MACF1: variants seen among roughly 807,000 people sequenced by gnomAD.
MACF1 encodes microtubule actin crosslinking factor 1.
MACF1 carries 193 observed loss-of-function variants against 854.8 expected under a neutral mutation model. The observed-to-expected ratio is 0.23, with a 90% CI of 0.20 to 0.25. The LOEUF (loss-of-function observed/expected upper bound fraction) is 0.25, where lower values mean the gene tolerates loss of function less well. MACF1 is among the 10% of genes least tolerant of loss of function. The pLI, the probability that MACF1 is intolerant of heterozygous loss-of-function variation, is 1.00. For missense variants in MACF1, 7,722 were observed against 8,929.1 expected (o/e 0.86, Z 5.45); for synonymous variants, 3,185 against 3,226.7 (o/e 0.99, Z 0.44).
intron 2 of MACF1, among the ~76,000 whole-genome samples, chr1:39,172,869 A>G (rs917689347): frequency 6.6e-6 from 1 of 152,226 alleles, no homozygotes. Flanking sequence ...GCCCAGATAT[A>G]CTTGGGTTAG....
In MACF1 at chr1:39,336,142, A is replaced by C; in HGVS notation, c.9554A>C (p.Lys3185Thr). The C allele has an allele frequency of 6.2e-7, 1 of 1,614,204 alleles. No individual in the cohort carries two copies. Among genetic ancestry groups the C allele is most frequent in the Non-Finnish European group, 8.5e-7 (1 of 1,180,042 alleles). ...EVSFDPARGLKLEEITVSRPD... is the reference protein window; with the variant it reads ...EVSFDPARGLTLEEITVSRPD... ...TCTTTTGACCCAGCAAGAGGTCTTA[A>C]ATTGGAAGAAATCACAGTTTCTAGA... The change falls in exon 37 of 101, where the codon AAA becomes ACA. Residue 3185 changes from lysine (K) to threonine (T), a missense_variant. Physicochemically the swap from Lys to Thr is moderately conservative, Grantham distance 78 (BLOSUM62 -1). This residue lies in a region of MACF1 where 854 missense variants were observed against 852.6 expected (regional missense o/e 1.00). Coordinates refer to ENST00000564288, the MANE Select transcript of MACF1 (RefSeq NM_001394062.1).
intron 97 of MACF1, among the ~76,000 whole-genome samples, chr1:39,479,076 A>G (rs564823832): frequency 3.9e-5 from 6 of 152,176 alleles, no homozygotes; most frequent in Non-Finnish European, 8.8e-5. Context: ...AGAAAGCCAT[A>G]AGACAGCGCT....
At chr1:39,268,551 G>A in intron 6 of MACF1, 3 of 1,169,518 alleles carry the variant, frequency 2.6e-6, no homozygotes, top group African/African-American at 1.6e-5. Flanking sequence ...AGAGAGGCGG[G>A]GAGGGAGGGA....
Position 39,455,077 on chromosome 1 carries a change from G to C in MACF1, c.21055G>C (p.Ala7019Pro), listed in dbSNP as rs1644409193. The C allele has an allele frequency of 1.2e-6, 2 of 1,614,048 alleles. No homozygotes were observed. The highest frequency in any genetic ancestry group is 4.5e-5 in the East Asian group (2 of 44,878). The change falls in exon 89 of 101, where the codon GCC becomes CCC. Residue 7019 changes from alanine to proline, a missense_variant. Physicochemically the swap from Ala to Pro is conservative, Grantham distance 27. Coordinates refer to ENST00000564288, the MANE Select transcript of MACF1 (RefSeq NM_001394062.1). ...CCCGCAGAACATTGACCGAGTTAAA[G>C]CCCTTATCGCTGAGCATCAGGTATC... ...PIPQNIDRVK[A>P]LIAEHQTFME...
chr1:39,445,785 C>G (rs1644217456), intron 80 of MACF1, among the ~76,000 whole-genome samples: 1 of 152,018 alleles, frequency 6.6e-6, no homozygotes, highest in Non-Finnish European at 1.5e-5. Context: ...ATAGCAAGAC[C>G]CCATCTCTAC....
At chr1:39,266,710 G>T (rs1168023054) in intron 6 of MACF1, among the ~76,000 whole-genome samples, 2 of 149,892 alleles carry the variant, frequency 1.3e-5, no homozygotes, top group Non-Finnish European at 2.9e-5. Context: ...CTGCTGTGTG[G>T]CCTGGATCCT....
At chr1:39,112,858 G>A (rs112141729) in intron 2 of MACF1, among the ~76,000 whole-genome samples, 1 of 151,860 alleles carries the variant, frequency 6.6e-6, no homozygotes, top group African/African-American at 2.4e-5. Flanking sequence ...CTAGAGCTGG[G>A]CATAGTCCCA....
intron 2 of MACF1, among the ~76,000 whole-genome samples, chr1:39,161,145 T>C (rs1221162920): frequency 1.3e-5 from 2 of 152,306 alleles, no homozygotes; most frequent in African/African-American, 2.4e-5. Context: ...CTTTAACTTA[T>C]ATTTCTCAAG....
At chr1:39,337,895 G>A (rs3121889) in intron 38 of MACF1, among the ~76,000 whole-genome samples, 90,192 of 151,342 alleles carry the variant, frequency 0.6, 28,945 homozygotes, top group South Asian at 0.78. Flanking sequence ...TCAGCCTCCC[G>A]AGTAGCTGGG....
intron 44 of MACF1, among the ~76,000 whole-genome samples, chr1:39,356,433 C>T (rs1647576698): frequency 6.6e-6 from 1 of 150,624 alleles, no homozygotes; most frequent in African/African-American, 2.5e-5. Context: ...AGTGCAGTGG[C>T]AGGGTCTTGG....
chr1:39,144,208 G>A (rs1557480323), intron 2 of MACF1, among the ~76,000 whole-genome samples: 1 of 150,962 alleles, frequency 6.6e-6, no homozygotes, highest in Non-Finnish European at 1.5e-5. Flanking sequence ...AGCCTCCCAA[G>A]TAGTTGGGAT....
chr1:39,411,585 G>A (rs2148614487), intron 58 of MACF1: 6 of 1,613,882 alleles, frequency 3.7e-6, no homozygotes, highest in Non-Finnish European at 5.1e-6. Flanking sequence ...AGGGGTTAGA[G>A]GGACTTGTTT....
intron 2 of MACF1, among the ~76,000 whole-genome samples, chr1:39,102,038 A>T (rs1007174107): frequency 8.6e-4 from 118 of 137,206 alleles, no homozygotes; most frequent in Middle Eastern, 9.7e-3. Context: ...TAGCCGGGCG[A>T]GGTGGCGGGC....
intron 58 of MACF1, among the ~76,000 whole-genome samples, chr1:39,397,489 G>A (rs988051378): frequency 6.6e-6 from 1 of 151,932 alleles, no homozygotes; most frequent in African/African-American, 2.4e-5. Context: ...TTGAACCCGG[G>A]AGGCAGAGGT....
rs757653169 is a variant in MACF1 at position 39,333,937 on chromosome 1, A to C, written c.7349A>C (p.Asp2450Ala). ...INLEKASKGR[D>A]AEKTVRERLI... ...CTGGAGAAAGCTTCCAAAGGTAGAGATGCTGAAAAAACAGTTAGGGAGAGA... is the reference window on the plus strand; with the variant it reads ...CTGGAGAAAGCTTCCAAAGGTAGAGCTGCTGAAAAAACAGTTAGGGAGAGA... Residue 2450 changes from aspartate (D) to alanine (A), a missense_variant, in exon 37 of 101, where the codon GAT becomes GCT. Asp to Ala is a moderately radical substitution (Grantham distance 126). Coordinates refer to ENST00000564288, the MANE Select transcript of MACF1 (RefSeq NM_001394062.1). 6 of 1,614,184 alleles carry C rather than the reference A, an allele frequency of 3.7e-6. No individual in the cohort carries two copies. The highest frequency in any genetic ancestry group is 5.1e-6 in the Non-Finnish European group (6 of 1,180,028).
intron 6 of MACF1, among the ~76,000 whole-genome samples, chr1:39,277,704 G>T (rs2148372321): frequency 6.6e-6 from 1 of 152,162 alleles, no homozygotes; most frequent in African/African-American, 2.4e-5. Context: ...CAATCCTCTG[G>T]CATTGCTAGT....
chr1:39,143,297 C>G (rs536961101), intron 2 of MACF1, among the ~76,000 whole-genome samples: 1 of 152,302 alleles, frequency 6.6e-6, no homozygotes, highest in East Asian at 1.9e-4. Context: ...ATTATTGATA[C>G]AAGCTAGCTT....
rs61380383 is a variant in MACF1, at chr1:39,309,511, T to G, written c.2790-59T>G. ...GGCAATCACATTTTTCCTTAGAAGG[T>G]CTCTAATGTGGAGCTGAAGTCTTAC... On this transcript the variant is annotated intron_variant, in intron 23 of 100. Coordinates refer to ENST00000564288, the MANE Select transcript of MACF1 (RefSeq NM_001394062.1). 1,410 of 1,597,698 alleles carry G rather than the reference T, an allele frequency of 8.8e-4. 8 individuals are homozygous for G. In the African/African-American group the frequency reaches 0.014, roughly 16 times the overall value.
chr1:39,142,456 G>A (rs922183013), intron 2 of MACF1, among the ~76,000 whole-genome samples: 2 of 152,176 alleles, frequency 1.3e-5, no homozygotes, highest in Non-Finnish European at 2.9e-5. Flanking sequence ...TACTCCAAAT[G>A]ACAGCTTACA....
Sources: gnomAD v4.1 joint callset for allele counts (sites outside exome capture counted in the v4.1 genomes callset) on GRCh38, gnomAD v4.1.1 for gene constraint, gnomAD v4.1.1 regional missense constraint, MANE v1.5 for transcripts, NCBI Gene and HGNC (gene_info 2026-07-23, HGNC 2026-07-21) for gene names.